Variants in HSD17B2 observed in about 807,000 individuals in gnomAD.
HSD17B2 encodes the protein 17-beta-hydroxysteroid dehydrogenase type 2.
HSD17B2 carries 32 observed loss-of-function variants against 26.9 expected under a neutral mutation model. The observed-to-expected ratio is 1.19, with a 90% CI of 0.90 to 1.60. HSD17B2 has a LOEUF of 1.60. HSD17B2 is among the 40% of genes most tolerant of loss of function. The pLI, the probability that HSD17B2 is intolerant of heterozygous loss-of-function variation, is 0.00. For missense variants in HSD17B2, 613 were observed against 468.6 expected (o/e 1.31, Z -2.85); for synonymous variants, 246 against 186.7 (o/e 1.32, Z -2.59).
At chr16:82,062,402 C>A (rs1275848115) in intron 1 of HSD17B2, among the ~76,000 whole-genome samples, 1 of 152,148 alleles carries the variant, frequency 6.6e-6, no homozygotes, top group African/African-American at 2.4e-5. Flanking sequence ...GACAAAGGAC[C>A]CTCTCTCAGT....
intron 4 of HSD17B2, chr16:82,097,004 T>G (rs888475439): frequency 6.6e-6 from 1 of 151,204 alleles, no homozygotes; most frequent in Non-Finnish European, 1.5e-5. Flanking sequence ...TGTTCTGTTT[T>G]GTTTTTTTTT....
intron 1 of HSD17B2, among the ~76,000 whole-genome samples, chr16:82,061,156 G>C (rs1597127694): frequency 6.6e-6 from 1 of 151,916 alleles, no homozygotes; most frequent in African/African-American, 2.4e-5. Context: ...CTACTTGGGA[G>C]GCTGAGGCAA....
At chr16:82,043,330 A>T (rs1415867842) in intron 1 of HSD17B2, among the ~76,000 whole-genome samples, 2 of 152,088 alleles carry the variant, frequency 1.3e-5, no homozygotes, top group African/African-American at 4.8e-5. Context: ...CACTTGTGAT[A>T]TTGGGGGGAA....
chr16:82,067,853 C>T (rs1349922340), intron 1 of HSD17B2, among the ~76,000 whole-genome samples: 3 of 152,330 alleles, frequency 2.0e-5, no homozygotes, highest in African/African-American at 7.2e-5. Context: ...CCATTGGATG[C>T]CTTGGTTTTC....
intron 4 of HSD17B2, chr16:82,091,422 G>GA: frequency 3.8e-6 from 1 of 265,674 alleles, no homozygotes; most frequent in South Asian, 4.6e-5. Context: ...GAGAAACAGA[G>GA]GTCTGATCCT....
chr16:82,060,442 C>A (rs1218940264), intron 1 of HSD17B2, among the ~76,000 whole-genome samples: 1 of 152,116 alleles, frequency 6.6e-6, no homozygotes, highest in Admixed American at 6.5e-5. Context: ...AGGGGGAGCC[C>A]CGGAGGTCCT....
chr16:82,046,201 C>T (rs961232736), intron 1 of HSD17B2, among the ~76,000 whole-genome samples: 4 of 152,130 alleles, frequency 2.6e-5, no homozygotes, highest in African/African-American at 7.2e-5. Flanking sequence ...CAGAATAAGG[C>T]CCTGCCTCAT....
At chr16:82,083,620 G>A (rs1160333842) in intron 3 of HSD17B2, among the ~76,000 whole-genome samples, 1 of 152,146 alleles carries the variant, frequency 6.6e-6, no homozygotes, top group Non-Finnish European at 1.5e-5. Flanking sequence ...ATCCCACCAT[G>A]AGGATCTGGG....
At chr16:82,061,915 T>C (rs377269749) in intron 1 of HSD17B2, among the ~76,000 whole-genome samples, 3 of 152,344 alleles carry the variant, frequency 2.0e-5, no homozygotes, top group South Asian at 4.1e-4. Flanking sequence ...CCAGGGCACA[T>C]GCATCCCAGC....
At chr16:82,088,473 C>T (rs910380795) in intron 3 of HSD17B2, among the ~76,000 whole-genome samples, 3 of 152,138 alleles carry the variant, frequency 2.0e-5, no homozygotes, top group Non-Finnish European at 4.4e-5. Flanking sequence ...GGTGGCTAAT[C>T]AATGGCAGAG....
intron 1 of HSD17B2, among the ~76,000 whole-genome samples, chr16:82,045,143 A>T (rs1407025920): frequency 6.8e-6 from 1 of 148,146 alleles, no homozygotes; most frequent in Admixed American, 6.7e-5. Flanking sequence ...AAAAAAAAAA[A>T]GAGAGAAAAA....
At chr16:82,086,989 C>T (rs1904546218) in intron 3 of HSD17B2, among the ~76,000 whole-genome samples, 1 of 152,136 alleles carries the variant, frequency 6.6e-6, no homozygotes, top group South Asian at 2.1e-4. Context: ...GACACTAATT[C>T]TGTTGGATCA....
rs7184121 is a variant in HSD17B2, at chr16:82,045,296, C to A, written c.265+9607C>A. Among the ~76,000 whole-genome samples, 673 of 152,178 alleles carry A rather than the reference C, an allele frequency of 4.4e-3. 6 individuals carry two copies. Among genetic ancestry groups the A allele is most frequent in the African/African-American group, 0.015 (633 of 41,502 alleles). On this transcript the variant is annotated intron_variant, in intron 1 of 4. Transcript: ENST00000199936. ...TGTTTACCCCCAGTGAGCCCCCCAT[C>A]CATCTTAAGCTTCCCTCTTAAGATA...
chr16:82,045,882 T>C (rs1197493246), intron 1 of HSD17B2, among the ~76,000 whole-genome samples: 1 of 152,264 alleles, frequency 6.6e-6, no homozygotes, highest in African/African-American at 2.4e-5. Context: ...TCCTGATTCT[T>C]CTCAGTCCTG....
intron 4 of HSD17B2, 90 bp downstream of exon 4, chr16:82,091,129 T>G: frequency 1.6e-6 from 2 of 1,259,022 alleles, no homozygotes; most frequent in Non-Finnish European, 2.3e-6. Flanking sequence ...ATTGAACCCC[T>G]CATTGTTGTC....
At chr16:82,079,200 A>G (rs968029917) in intron 3 of HSD17B2, among the ~76,000 whole-genome samples, 1 of 152,172 alleles carries the variant, frequency 6.6e-6, no homozygotes, top group East Asian at 1.9e-4. Flanking sequence ...AAAGAAACAA[A>G]GCTCTGAAAT....
Position 82,068,219 on chromosome 16 carries a change from G to A in HSD17B2, c.315G>A (p.Leu105=), listed in dbSNP as rs118116097. The part of the protein sequence containing the change: ...GHALCKYLDE[L]GFTVFAGVLN... ...CTTTGTGCAAGTATCTGGATGAGCTGGGCTTCACGGTATTTGCCGGAGTTT... is the reference window on the plus strand; with the variant it reads ...CTTTGTGCAAGTATCTGGATGAGCTAGGCTTCACGGTATTTGCCGGAGTTT... The change falls in exon 2 of 5, where the codon CTG becomes CTA. Residue 105 remains leucine (L), a synonymous_variant. Coordinates refer to ENST00000199936, the MANE Select transcript of HSD17B2 (RefSeq NM_002153.3). 2.3e-4 allele frequency: 372 copies of A among 1,614,116 alleles called. 1 individual carries two copies. The highest frequency in any genetic ancestry group is 3.0e-4 in the Non-Finnish European group (358 of 1,180,036).
intron 1 of HSD17B2, 43 bp from the exon 2 acceptor site, chr16:82,068,127 A>C: frequency 6.7e-7 from 1 of 1,497,674 alleles, no homozygotes. Context: ...TTCTCCTGTC[A>C]CTCTGGTTTG....
intron 1 of HSD17B2, among the ~76,000 whole-genome samples, chr16:82,040,808 G>A (rs1053337365): frequency 6.6e-6 from 1 of 152,154 alleles, no homozygotes; most frequent in South Asian, 2.1e-4. Context: ...AGCAGTGAAG[G>A]GTAGTTCAAG....
Sources: allele counts gnomAD v4.1 joint callset (sites outside exome capture counted in the v4.1 genomes callset), GRCh38; gene constraint gnomAD v4.1.1; transcripts MANE v1.5; gene names NCBI Gene and HGNC (gene_info 2026-07-23, HGNC 2026-07-21).